CAST: variants seen among roughly 807,000 people sequenced by gnomAD.
CAST encodes the protein MIR583 host.
In CAST, 76 loss-of-function variants were observed where a neutral mutation model predicts 119.6. That is an observed-to-expected ratio of 0.64 (90% CI 0.53 to 0.77). The LOEUF (loss-of-function observed/expected upper bound fraction) is 0.77, where lower values mean the gene tolerates loss of function less well. CAST is among the 30% of genes least tolerant of loss of function. The probability of loss-of-function intolerance (pLI) is 0.00; values close to 1 mark genes in which losing one functional copy is unlikely to be tolerated. For missense variants in CAST, 953 were observed against 946.5 expected (o/e 1.01, Z -0.09); for synonymous variants, 319 against 331.6 (o/e 0.96, Z 0.41).
chr5:96,274,786 A>T, the CAST span, among the ~76,000 whole-genome samples: 1 of 152,236 alleles, frequency 6.6e-6, no homozygotes, highest in African/African-American at 2.4e-5. Context: ...AAGAATATTT[A>T]AGAAAATTGT....
chr5:95,976,750 G>C, the CAST span, among the ~76,000 whole-genome samples: 17 of 152,132 alleles, frequency 1.1e-4, no homozygotes, highest in African/African-American at 2.4e-5. Context: ...ATCACTGTGA[G>C]ATTATATTAC....
At chr5:96,191,726 C>T in the CAST span, among the ~76,000 whole-genome samples, 3 of 152,182 alleles carry the variant, frequency 2.0e-5, no homozygotes, top group Non-Finnish European at 4.4e-5. Context: ...CACGCCACCA[C>T]ACCCAGCTAA....
chr5:96,101,998 C>T, the CAST span, among the ~76,000 whole-genome samples: 1 of 152,126 alleles, frequency 6.6e-6, no homozygotes, highest in East Asian at 1.9e-4. Context: ...GTGCCTACAA[C>T]CCTGGAAGCC....
the CAST span, among the ~76,000 whole-genome samples, chr5:96,165,692 G>A: frequency 6.6e-6 from 1 of 152,140 alleles, no homozygotes; most frequent in Non-Finnish European, 1.5e-5. Context: ...TAGCCAAACT[G>A]TGGTTGCATT....
chr5:96,266,299 G>A, the CAST span, among the ~76,000 whole-genome samples: 2 of 152,186 alleles, frequency 1.3e-5, no homozygotes, highest in African/African-American at 4.8e-5. Context: ...GTAAAAGTGA[G>A]ATCATAGGGG....
chr5:96,354,959 A>T, the CAST span, among the ~76,000 whole-genome samples: 1 of 152,018 alleles, frequency 6.6e-6, no homozygotes, highest in South Asian at 2.1e-4. Flanking sequence ...TTTGGTCAGT[A>T]CAGATTTCAA....
chr5:96,659,624 G>C (rs1748215387), upstream of CAST, among the ~76,000 whole-genome samples: 1 of 152,156 alleles, frequency 6.6e-6, no homozygotes, highest in South Asian at 2.1e-4. Flanking sequence ...TGCCTCCCTT[G>C]TTCAGGCGAT....
chr5:96,209,360 T>C, the CAST span, among the ~76,000 whole-genome samples: 1 of 152,190 alleles, frequency 6.6e-6, no homozygotes, highest in African/African-American at 2.4e-5. Flanking sequence ...CCTGTCATCA[T>C]GTTGTTAGCT....
At chr5:96,312,469 G>A in the CAST span, among the ~76,000 whole-genome samples, 1 of 152,030 alleles carries the variant, frequency 6.6e-6, no homozygotes, top group Admixed American at 6.6e-5. Flanking sequence ...GCACTCCCCT[G>A]TCTATTTAGG....
the CAST span, among the ~76,000 whole-genome samples, chr5:96,089,627 TA>T: frequency 6.6e-6 from 1 of 152,222 alleles, no homozygotes; most frequent in Non-Finnish European, 1.5e-5. Context: ...CATTTGTGTT[TA>T]AAAAGGGCTG....
chr5:96,407,568 C>T, the CAST span, among the ~76,000 whole-genome samples: 1 of 152,086 alleles, frequency 6.6e-6, no homozygotes, highest in Non-Finnish European at 1.5e-5. Context: ...ACATGCTTGC[C>T]CTTTGACCCA....
At chr5:96,701,907 A>G (rs553026441) in intron 3 of CAST, among the ~76,000 whole-genome samples, 3 of 152,266 alleles carry the variant, frequency 2.0e-5, no homozygotes, top group African/African-American at 7.2e-5. Context: ...GACAGAAATA[A>G]AAGACAAAAA....
chr5:96,680,354 CAAAAAAAAAAAA>C (rs71617135), intron 2 of CAST, among the ~76,000 whole-genome samples: 1 of 29,292 alleles, frequency 3.4e-5, no homozygotes, highest in Non-Finnish European at 5.9e-5. Context: ...GACTCTGTCT[CAAAAAAAAAAAA>C]AAAAAAAAAA....
intron 3 of CAST, among the ~76,000 whole-genome samples, chr5:96,716,761 A>G (rs1388104057): frequency 6.6e-6 from 1 of 152,122 alleles, no homozygotes; most frequent in Non-Finnish European, 1.5e-5. Flanking sequence ...TTAGTTATTG[A>G]TTTGTCAGAT....
chr5:96,255,139 A>G, the CAST span, among the ~76,000 whole-genome samples: 1 of 152,180 alleles, frequency 6.6e-6, no homozygotes, highest in African/African-American at 2.4e-5. Flanking sequence ...GAAGGGAGGC[A>G]AAGAAAAGTA....
At chr5:96,113,981 A>G in the CAST span, among the ~76,000 whole-genome samples, 1 of 152,212 alleles carries the variant, frequency 6.6e-6, no homozygotes, top group Non-Finnish European at 1.5e-5. Flanking sequence ...TATTTTTTAT[A>G]CTACTAGCCT....
At chr5:96,680,354 C>CAAAAAAAAAAAAAAAAAA (rs71617135) in intron 2 of CAST, among the ~76,000 whole-genome samples, 2 of 29,258 alleles carry the variant, frequency 6.8e-5, no homozygotes, top group African/African-American at 1.5e-4. Context: ...GACTCTGTCT[C>CAAAAAAAAAAAAAAAAAA]AAAAAAAAAA....
At chr5:95,985,265 GTT>G in the CAST span, among the ~76,000 whole-genome samples, 1 of 152,160 alleles carries the variant, frequency 6.6e-6, no homozygotes, top group South Asian at 2.1e-4. Context: ...AGTGAGCTGT[GTT>G]TGTGCCACTG....
the CAST span, among the ~76,000 whole-genome samples, chr5:96,376,353 G>A: frequency 6.6e-6 from 1 of 152,000 alleles, no homozygotes; most frequent in Non-Finnish European, 1.5e-5. Context: ...ATTATGTACA[G>A]TACATAATGT....
Sources: gnomAD v4.1 joint callset for allele counts (sites outside exome capture counted in the v4.1 genomes callset) on GRCh38, gnomAD v4.1.1 for gene constraint, MANE v1.5 for transcripts, NCBI Gene and HGNC (gene_info 2026-07-23, HGNC 2026-07-21) for gene names.